MID2: variants seen among roughly 807,000 people sequenced by gnomAD.
MID2 encodes midline 2.
A neutral mutation model predicts 46.1 loss-of-function variants in MID2; 13 were observed. The observed-to-expected ratio is 0.28, with a 90% CI of 0.18 to 0.45. MID2 has a LOEUF of 0.45. Among genes scored for constraint, MID2 ranks in the 20% least tolerant of loss-of-function variants. The pLI, the probability that MID2 is intolerant of heterozygous loss-of-function variation, is 1.00. For missense variants in MID2, 431 were observed against 575.4 expected (o/e 0.75, Z 2.57); for synonymous variants, 199 against 212.3 (o/e 0.94, Z 0.55).
chrX:107,832,277 G>A (rs1931104876), intron 1 of MID2, among the ~76,000 whole-genome samples: 1 of 111,262 alleles, frequency 9.0e-6, no homozygotes, highest in Admixed American at 9.6e-5. Context: ...ACTTGGAGAG[G>A]GGTGGGGATC....
chrX:107,886,775 T>G (rs928409555), intron 3 of MID2, among the ~76,000 whole-genome samples: 1 of 112,009 alleles, frequency 8.9e-6, no homozygotes, highest in Admixed American at 9.4e-5. Flanking sequence ...TTCTTCCATT[T>G]GTTTGTATCC....
chrX:107,890,765 C>A (rs1932581283), intron 3 of MID2, among the ~76,000 whole-genome samples: 2 of 111,852 alleles, frequency 1.8e-5, no homozygotes, highest in Admixed American at 1.9e-4. Flanking sequence ...GTGGGCTCCA[C>A]CCAGTTCAAG....
intron 3 of MID2, among the ~76,000 whole-genome samples, chrX:107,888,499 A>G (rs911017406): frequency 6.2e-5 from 7 of 112,017 alleles, no homozygotes; most frequent in Non-Finnish European, 1.3e-4. Flanking sequence ...ACAGTTTGTT[A>G]TAATTTCTGT....
At chrX:107,912,765 A>G (rs750638968) in intron 5 of MID2, among the ~76,000 whole-genome samples, 1 of 111,179 alleles carries the variant, frequency 9.0e-6, no homozygotes, top group African/African-American at 3.3e-5. Context: ...AGGCTCAGGT[A>G]TAACCTGAGG....
intron 7 of MID2, among the ~76,000 whole-genome samples, chrX:107,919,058 T>C (rs1376984441): frequency 9.0e-6 from 1 of 110,540 alleles, no homozygotes; most frequent in Non-Finnish European, 1.9e-5. Flanking sequence ...CTTGAACATT[T>C]CCAGTGATAG....
intron 3 of MID2, among the ~76,000 whole-genome samples, chrX:107,883,056 A>G (rs1458772071): frequency 1.8e-5 from 2 of 111,937 alleles, no homozygotes; most frequent in East Asian, 5.6e-4. Context: ...TTGCAGGGAC[A>G]TGGATGAAGC....
rs1602513094 is a variant in MID2, at chrX:107,926,078, TC to T, written c.1598-15del. 1.8e-6 allele frequency: 2 copies of T among 1,139,319 alleles called. No individual in the cohort carries two copies. The highest frequency in any genetic ancestry group is 2.4e-6 in the Non-Finnish European group (2 of 845,757). The allele number at this position is 1,139,319 out of a possible 1,213,427, so 93.9% of individuals were successfully genotyped here. ...CATAGTGCTTTTTCTTTTTTTTTTT[TC>T]TACTTATTTTTCAGGCCAACCCTTT... On this transcript the variant is annotated splice_polypyrimidine_tract_variant and intron_variant, in intron 8 of 9. Transcript: ENST00000262843.
At chrX:107,907,960 T>C (rs1932850634) in intron 5 of MID2, among the ~76,000 whole-genome samples, 2 of 111,751 alleles carry the variant, frequency 1.8e-5, no homozygotes, top group Non-Finnish European at 3.8e-5. Flanking sequence ...CAAAAAAACT[T>C]TATGAGGTAG....
chrX:107,910,809 TTTCCTTTCCTTTCCTTTCCTTTCCTTTCC>T (rs1225203976), intron 5 of MID2, among the ~76,000 whole-genome samples: 6 of 30,608 alleles, frequency 2.0e-4, no homozygotes, highest in African/African-American at 1.4e-3. Flanking sequence ...TTTCCTTTCC[TTTCCTTTCCTTTCCTTTCCTTTCCTTTCC>T]CTCTCTCTTT....
At chrX:107,895,436 A>G (rs1486413463) in intron 3 of MID2, 1 of 111,828 alleles carries the variant, frequency 8.9e-6, no homozygotes, top group East Asian at 2.8e-4. Context: ...TATGTAAAAT[A>G]CTGTGATTTG....
chrX:107,915,557 CAA>C (rs373121859), intron 5 of MID2, among the ~76,000 whole-genome samples: 1 of 92,877 alleles, frequency 1.1e-5, no homozygotes, highest in East Asian at 3.3e-4. Flanking sequence ...GACTCTGTCT[CAA>C]AAAAAAAAAA....
chrX:107,846,274 G>T (rs1307812165), intron 2 of MID2, among the ~76,000 whole-genome samples: 1 of 111,590 alleles, frequency 9.0e-6, no homozygotes, highest in Non-Finnish European at 1.9e-5. Context: ...TGAGGGAAAA[G>T]AAAAATGTTG....
chrX:107,871,062 A>G (rs962426856), intron 3 of MID2, among the ~76,000 whole-genome samples: 2 of 110,545 alleles, frequency 1.8e-5, no homozygotes, highest in African/African-American at 6.6e-5. Flanking sequence ...TGTATTTTCC[A>G]TTTTTATATA....
At chrX:107,901,407 G>A in intron 3 of MID2, among the ~76,000 whole-genome samples, 1 of 111,946 alleles carries the variant, frequency 8.9e-6, no homozygotes, top group Admixed American at 9.5e-5. Flanking sequence ...AAAATCAGAG[G>A]TGGAAGCCAG....
intron 3 of MID2, among the ~76,000 whole-genome samples, chrX:107,856,435 T>C (rs1430770970): frequency 8.9e-6 from 1 of 112,305 alleles, no homozygotes; most frequent in East Asian, 2.8e-4. Flanking sequence ...TCACCTTCCT[T>C]GTTCTCATCA....
chrX:107,929,904 C>T lies in MID2; in HGVS notation c.*2831C>T, dbSNP rs1217593030. 9.0e-6 allele frequency among the ~76,000 whole-genome samples: 1 copy of T among 111,651 alleles called. No individual in the cohort carries two copies. The highest frequency in any genetic ancestry group is 1.9e-5 in the Non-Finnish European group (1 of 53,031). On this transcript the variant is annotated 3_prime_UTR_variant, in exon 10 of 10. Coordinates refer to ENST00000262843, the MANE Select transcript of MID2 (RefSeq NM_012216.4). ...GTTTTTCAAAGTGTGGTCCTCACAC[C>T]GCCTGTGTTAGAATCACCTTTAGTG...
At chrX:107,869,943 T>A (rs1424950365) in intron 3 of MID2, among the ~76,000 whole-genome samples, 3 of 111,510 alleles carry the variant, frequency 2.7e-5, no homozygotes, top group Non-Finnish European at 3.8e-5. Context: ...GCTAAAACAT[T>A]TAAAACACTA....
chrX:107,844,784 T>C (rs916442535), intron 2 of MID2, among the ~76,000 whole-genome samples: 50 of 111,787 alleles, frequency 4.5e-4, no homozygotes, highest in African/African-American at 1.5e-3. Flanking sequence ...TAACTGTCAC[T>C]AGTGTTCTTC....
chrX:107,920,960 C>T (rs1933060401), intron 7 of MID2, among the ~76,000 whole-genome samples: 1 of 111,861 alleles, frequency 8.9e-6, no homozygotes. Flanking sequence ...TACATAACCA[C>T]AGTATAGTTA....
Sources: gnomAD v4.1 joint callset for allele counts (sites outside exome capture counted in the v4.1 genomes callset) on GRCh38, gnomAD v4.1.1 for gene constraint, MANE v1.5 for transcripts, NCBI Gene and HGNC (gene_info 2026-07-23, HGNC 2026-07-21) for gene names.